Variants in SNX7 observed in about 807,000 individuals in gnomAD.
The protein encoded by SNX7 is sorting nexin-7.
Under a neutral mutation model 48.4 loss-of-function variants are expected in SNX7, and 35 were observed. The observed-to-expected ratio is 0.72, with a 90% CI of 0.55 to 0.96. The LOEUF is 0.96. Ranked by LOEUF, SNX7 falls within the 40% of genes least tolerant of loss-of-function variation. The pLI, the probability that SNX7 is intolerant of heterozygous loss-of-function variation, is 0.00. For missense variants in SNX7, 553 were observed against 548.9 expected (o/e 1.01, Z -0.07); for synonymous variants, 190 against 190.2 (o/e 1.00, Z 0.01).
intron 2 of SNX7, among the ~76,000 whole-genome samples, chr1:98,690,801 G>A (rs1432354092): frequency 6.6e-6 from 1 of 152,092 alleles, no homozygotes; most frequent in Non-Finnish European, 1.5e-5. Flanking sequence ...GTGGAAGGCA[G>A]ATGGTTGTTG....
intron 1 of SNX7, among the ~76,000 whole-genome samples, chr1:98,678,589 A>C (rs1557791228): frequency 6.6e-6 from 1 of 152,328 alleles, no homozygotes; most frequent in East Asian, 1.9e-4. Flanking sequence ...AATATTATAA[A>C]CTTGAAACAT....
chr1:98,717,491 A>G (rs1652650744), intron 7 of SNX7, among the ~76,000 whole-genome samples: 2 of 152,166 alleles, frequency 1.3e-5, no homozygotes, highest in Non-Finnish European at 2.9e-5. Flanking sequence ...ATAGCCTACT[A>G]CTGCTTTACC....
intron 7 of SNX7, 93 bp downstream of exon 7, chr1:98,701,996 G>A: frequency 1.2e-6 from 1 of 847,880 alleles, no homozygotes; most frequent in Non-Finnish European, 1.8e-6. Context: ...TTACATGATT[G>A]TTTCTTATAT....
chr1:98,722,228 C>T (rs55962916), intron 7 of SNX7, among the ~76,000 whole-genome samples: 42,012 of 151,926 alleles, frequency 0.28, 6,119 homozygotes, highest in South Asian at 0.31. Context: ...ACAAAATCTG[C>T]AGTGGGTTTC....
intron 4 of SNX7, among the ~76,000 whole-genome samples, chr1:98,694,250 A>G (rs1004076585): frequency 7.2e-5 from 11 of 151,744 alleles, no homozygotes; most frequent in Admixed American, 1.3e-4. Context: ...GGCACCTGTA[A>G]TCCCAGCTAC....
At chr1:98,708,496 C>T (rs1344139292) in intron 7 of SNX7, among the ~76,000 whole-genome samples, 2 of 152,094 alleles carry the variant, frequency 1.3e-5, no homozygotes, top group African/African-American at 2.4e-5. Flanking sequence ...CTTTGCAGAA[C>T]GTAACGTGGA....
intron 7 of SNX7, among the ~76,000 whole-genome samples, chr1:98,723,796 G>A (rs981740594): frequency 7.9e-5 from 12 of 152,094 alleles, no homozygotes; most frequent in African/African-American, 2.7e-4. Context: ...GGGAGGCAGA[G>A]GTTGCGCTGA....
At chr1:98,683,553 C>A (rs1650618395) in intron 1 of SNX7, among the ~76,000 whole-genome samples, 1 of 151,966 alleles carries the variant, frequency 6.6e-6, no homozygotes, top group Non-Finnish European at 1.5e-5. Context: ...TATAAAGGAC[C>A]CCAGAGAGAC....
At chr1:98,719,704 A>G (rs1652764954) in intron 7 of SNX7, among the ~76,000 whole-genome samples, 1 of 151,336 alleles carries the variant, frequency 6.6e-6, no homozygotes, top group Admixed American at 6.6e-5. Context: ...TTTCTTAAAG[A>G]TTTTACCTTT....
intron 7 of SNX7, among the ~76,000 whole-genome samples, chr1:98,726,101 C>A (rs963685269): frequency 6.6e-6 from 1 of 152,064 alleles, no homozygotes; most frequent in Non-Finnish European, 1.5e-5. Context: ...ATAATCACAC[C>A]AGGGTGCCGC....
At chr1:98,729,173 A>C (rs1430351427) in intron 7 of SNX7, among the ~76,000 whole-genome samples, 1 of 152,152 alleles carries the variant, frequency 6.6e-6, no homozygotes, top group African/African-American at 2.4e-5. Flanking sequence ...AAACTGAACA[A>C]CCTGCTTCTG....
At chr1:98,678,417 G>A (rs1650292311) in intron 1 of SNX7, among the ~76,000 whole-genome samples, 1 of 152,068 alleles carries the variant, frequency 6.6e-6, no homozygotes, top group African/African-American at 2.4e-5. Flanking sequence ...TTTGGAGAGG[G>A]CAAACATCCA....
intron 7 of SNX7, among the ~76,000 whole-genome samples, chr1:98,713,749 CAGG>C (rs1264128774): frequency 6.6e-6 from 1 of 152,106 alleles, no homozygotes; most frequent in Non-Finnish European, 1.5e-5. Flanking sequence ...GGAACAGAGA[CAGG>C]AGAATGGTCA....
intron 1 of SNX7, among the ~76,000 whole-genome samples, chr1:98,672,853 A>G (rs961490921): frequency 7.2e-6 from 1 of 139,460 alleles, no homozygotes; most frequent in East Asian, 2.5e-4. Context: ...GAACCCGGGA[A>G]GCGGAGCTTG....
intron 7 of SNX7, among the ~76,000 whole-genome samples, chr1:98,730,707 A>T (rs6658253): frequency 6.6e-6 from 1 of 152,004 alleles, no homozygotes; most frequent in East Asian, 1.9e-4. Flanking sequence ...GAAGTGAAGG[A>T]CCTCTTTAAG....
intron 2 of SNX7, among the ~76,000 whole-genome samples, chr1:98,687,155 C>T (rs1271240956): frequency 6.6e-6 from 1 of 152,152 alleles, no homozygotes; most frequent in Non-Finnish European, 1.5e-5. Flanking sequence ...CAGTAATCCT[C>T]AAACGTAGAT....
intron 2 of SNX7, among the ~76,000 whole-genome samples, chr1:98,686,341 C>G (rs1343684988): frequency 6.6e-6 from 1 of 151,886 alleles, no homozygotes; most frequent in Non-Finnish European, 1.5e-5. Context: ...ATCAATGAAA[C>G]TGAGATAATA....
At chr1:98,720,623 C>G (rs1331791829) in intron 7 of SNX7, among the ~76,000 whole-genome samples, 1 of 152,044 alleles carries the variant, frequency 6.6e-6, no homozygotes, top group African/African-American at 2.4e-5. Context: ...GTGCTGTTTA[C>G]TCTTACATTT....
chr1:98,728,192 C>A (rs1050995425), intron 7 of SNX7, among the ~76,000 whole-genome samples: 1 of 152,156 alleles, frequency 6.6e-6, no homozygotes, highest in African/African-American at 2.4e-5. Context: ...GACCTCTTAG[C>A]AGAAACCCTG....
Sources: allele counts gnomAD v4.1 joint callset (sites outside exome capture counted in the v4.1 genomes callset), GRCh38; gene constraint gnomAD v4.1.1; transcripts MANE v1.5; gene names NCBI Gene and HGNC (gene_info 2026-07-23, HGNC 2026-07-21).